ZNF546: variants seen among roughly 807,000 people sequenced by gnomAD.
ZNF546 encodes the protein zinc finger protein 546, also known as CTC-471F3.6.
A neutral mutation model predicts 76.2 loss-of-function variants in ZNF546; 60 were observed. The observed-to-expected ratio is 0.79, with a 90% CI of 0.64 to 0.98. The LOEUF (loss-of-function observed/expected upper bound fraction) is 0.98. ZNF546 is among the 50% of genes least tolerant of loss of function. ZNF546 has a pLI of 0.00. For synonymous variants in ZNF546, 277 were observed against 328.1 expected, an observed-to-expected ratio of 0.84 and a Z score of 1.68; for missense variants, 936 against 1,035.6, an observed-to-expected ratio of 0.90 and a Z score of 1.32.
intron 6 of ZNF546, 23 bp from the exon 7 acceptor site, chr19:40,013,642 T>TC (rs1338324549): frequency 7.0e-6 from 4 of 573,994 alleles, no homozygotes; most frequent in African/African-American, 3.9e-5. Flanking sequence ...ACTCTTTGCT[T>TC]TTTTTTTTTT....
In ZNF546 at chr19:40,014,753, A is replaced by G. The variant is rs1156891152; in HGVS notation, c.1483A>G (p.Ile495Val). 1 of 1,613,776 alleles carries G rather than the reference A, an allele frequency of 6.2e-7. No homozygotes were observed. Residue 495 changes from isoleucine (I) to valine (V), a missense_variant, in exon 7 of 7, where the codon ATT (isoleucine) becomes GTT (valine). Ile to Val is a conservative substitution (Grantham distance 29). Coordinates refer to ENST00000347077, the MANE Select transcript of ZNF546 (RefSeq NM_178544.5). ...ACATCTGAGAACTCACACCGGTGAG[A>G]TTCCCTATGAATGTAAGGAATGTGG... is the stretch of plus-strand genomic sequence containing the variant. The part of the protein sequence containing the change: ...TLHLRTHTGE[I>V]PYECKECGKT...
Position 40,017,113 on chromosome 19 carries a change from T to C in ZNF546, c.*1332T>C, listed in dbSNP as rs1416036178. On this transcript the variant is annotated 3_prime_UTR_variant, in exon 7 of 7. Transcript: ENST00000347077. ...CATTACCTTTCACTCCTTATTTAGA[T>C]TGGAATAATTAACTGGAGATAATAT... 6.6e-6 allele frequency: 1 copy of C among 152,188 alleles called. No homozygotes were observed. Among genetic ancestry groups the C allele is most frequent in the African/African-American group, 2.4e-5 (1 of 41,448 alleles). 9.4% of individuals were successfully genotyped at this position (152,188 alleles called of 1,614,324 possible).
intron 6 of ZNF546, among the ~76,000 whole-genome samples, chr19:40,013,456 G>A (rs554772610): frequency 1.5e-4 from 23 of 152,168 alleles, no homozygotes; most frequent in African/African-American, 5.5e-4. Flanking sequence ...GAGACCATAT[G>A]CCTCCCAAGG....
chr19:40,009,085 A>G (rs1971641003), intron 6 of ZNF546, among the ~76,000 whole-genome samples: 1 of 152,208 alleles, frequency 6.6e-6, no homozygotes. Context: ...TAAGTAGAGT[A>G]AGGAGCTAGA....
At chr19:40,001,191 T>A (rs1482378092) in intron 3 of ZNF546, among the ~76,000 whole-genome samples, 1 of 152,134 alleles carries the variant, frequency 6.6e-6, no homozygotes, top group Non-Finnish European at 1.5e-5. Context: ...AAGCTTCCCT[T>A]GCTGGCCTGC....
rs1166945205 is a variant in ZNF546, at chr19:40,015,685, T to C, written c.2415T>C (p.Tyr805=). 2 of 1,614,176 alleles carry C rather than the reference T, an allele frequency of 1.2e-6. No individual in the cohort carries two copies. The highest frequency in any genetic ancestry group is 1.7e-6 in the Non-Finnish European group (2 of 1,180,012). Residue 805 remains tyrosine (Y), a synonymous_variant, in exon 7 of 7, where the codon TAT becomes TAC. Transcript: ENST00000347077. ...HHRIHTGEKP[Y]QCKECGKAFI... ...GAATTCATACTGGTGAAAAACCCTA[T>C]CAATGTAAAGAATGTGGAAAAGCCT...
In ZNF546 at chr19:40,014,543, C is replaced by T. The variant is rs369133108; in HGVS notation, c.1273C>T (p.His425Tyr). Residue 425 changes from histidine (H) to tyrosine (Y), a missense_variant, in exon 7 of 7, where the codon CAT (histidine) becomes TAT (tyrosine). Physicochemically the swap from His to Tyr is moderately conservative, Grantham distance 83 (BLOSUM62 2). Coordinates refer to ENST00000347077, the MANE Select transcript of ZNF546 (RefSeq NM_178544.5). ...AGAATGTGGTAAGTCCTTTAGTTTT[C>T]ATGCAGAACTTGCTCGACATCGTAG... ...CKECGKSFSFHAELARHRRIH... is the reference protein window; with the variant it reads ...CKECGKSFSFYAELARHRRIH... The T allele has an allele frequency of 1.1e-5, 17 of 1,614,066 alleles. No individual in the cohort carries two copies. The highest frequency in any genetic ancestry group is 6.7e-5 in the African/African-American group (5 of 75,030).
At position 40,008,530 on chromosome 19, in the gene ZNF546, T is replaced by C. The variant is rs1412637885; in HGVS notation, c.359T>C (p.Ile120Thr). 1 of 1,613,268 alleles carries C rather than the reference T, an allele frequency of 6.2e-7. No homozygotes were observed. The highest frequency in any genetic ancestry group is 8.5e-7 in the Non-Finnish European group (1 of 1,179,374). The change falls in exon 6 of 7, where the codon ATA becomes ACA. Residue 120 changes from isoleucine to threonine, a missense_variant. Coordinates refer to ENST00000347077, the MANE Select transcript of ZNF546 (RefSeq NM_178544.5). The stretch of plus-strand genomic sequence containing the variant: ...TTGGAGCAAGAGAAAGAGCCCTGGA[T>C]AGTAATGAGGGAAGGGACAAGGAAT... ...TLLEQEKEPW[I>T]VMREGTRNWF...
In ZNF546 at chr19:40,019,692, GGTGA is replaced by G. The variant is rs1462935337; in HGVS notation, c.*3914_*3917del. 1 of 152,140 alleles carries G rather than the reference GGTGA, an allele frequency of 6.6e-6. No homozygotes were observed. The highest frequency in any genetic ancestry group is 1.5e-5 in the Non-Finnish European group (1 of 68,026). 9.4% of individuals were successfully genotyped at this position (152,140 alleles called of 1,614,324 possible). Reference sequence around the variant, plus strand: ...ATAGTTCTTAAAAGGCAAAAATGTAGGTGAGTCATTACGAAGAAAGCAGAAATTC... The same window carrying G: ...ATAGTTCTTAAAAGGCAAAAATGTAGGTCATTACGAAGAAAGCAGAAATTC... On this transcript the variant is annotated 3_prime_UTR_variant, in exon 7 of 7. Transcript: ENST00000347077.
At position 40,015,884 on chromosome 19, in the gene ZNF546, G is replaced by C. The variant is rs1008748361; in HGVS notation, c.*103G>C. 31 of 1,025,854 alleles carry C rather than the reference G, an allele frequency of 3.0e-5. No individual in the cohort carries two copies. The Admixed American group carries it at 6.2e-4, about 20-fold the overall frequency. 63.5% of individuals were successfully genotyped at this position (1,025,854 alleles called of 1,614,324 possible). A position where few individuals can be genotyped will look rare whatever the true frequency, so the allele number is the denominator to read the frequency against. ...CATGTGGGAATCCCTTTTACTTCAT[G>C]CTCACAATTTATCAGAAATTATTTC... On this transcript the variant is annotated 3_prime_UTR_variant, in exon 7 of 7. Coordinates refer to ENST00000347077, the MANE Select transcript of ZNF546 (RefSeq NM_178544.5).
At position 40,014,741 on chromosome 19, in the gene ZNF546, C is replaced by T. The variant is rs779794718; in HGVS notation, c.1471C>T (p.His491Tyr). ...TCAACTTACTTTACATCTGAGAACT[C>T]ACACCGGTGAGATTCCCTATGAATG... ...GYQLTLHLRT[H>Y]TGEIPYECKE... The change falls in exon 7 of 7, where the codon CAC becomes TAC. Residue 491 changes from histidine (H) to tyrosine (Y), a missense_variant. Transcript: ENST00000347077. The T allele has an allele frequency of 6.2e-7, 1 of 1,613,592 alleles. No individual in the cohort carries two copies. Among genetic ancestry groups the T allele is most frequent in the South Asian group, 1.1e-5 (1 of 91,068 alleles).
In ZNF546 at chr19:40,006,088, C is replaced by T; in HGVS notation, c.85-8C>T. 1 of 1,612,068 alleles carries T rather than the reference C, an allele frequency of 6.2e-7. No individual in the cohort carries two copies. Among genetic ancestry groups the T allele is most frequent in the South Asian group, 1.1e-5 (1 of 90,888 alleles). ...TCTGGTCTCAGAGTCACTTGTTCTT[C>T]CCCCCAGCCCCGGTTTCTCTGGATT... On this transcript the variant is annotated splice_polypyrimidine_tract_variant and splice_region_variant and intron_variant, in intron 3 of 6. Coordinates refer to ENST00000347077, the MANE Select transcript of ZNF546 (RefSeq NM_178544.5).
chr19:40,004,558 C>T (rs902346401), intron 3 of ZNF546, among the ~76,000 whole-genome samples: 16 of 152,196 alleles, frequency 1.1e-4, no homozygotes, highest in Admixed American at 5.9e-4. Flanking sequence ...CGTGAGCCAC[C>T]GTGCCCAGCC....
chr19:40,013,659 T>A lies in ZNF546; in HGVS notation c.395-6T>A. ...TCTTTGCTTTTTTTTTTTTTTTTTT[T>A]TGCAGATTTGGAATACAAGTATATT... On this transcript the variant is annotated splice_region_variant and splice_polypyrimidine_tract_variant and intron_variant, in intron 6 of 6. Coordinates refer to ENST00000347077, the MANE Select transcript of ZNF546 (RefSeq NM_178544.5). 7.2e-7 allele frequency: 1 copy of A among 1,385,828 alleles called. No homozygotes were observed. Among genetic ancestry groups the A allele is most frequent in the Non-Finnish European group, 9.4e-7 (1 of 1,058,754 alleles). 85.8% of individuals were successfully genotyped at this position (1,385,828 alleles called of 1,614,324 possible).
chr19:40,006,176 G>T lies in ZNF546; in HGVS notation c.165G>T (p.Met55Ile). The change falls in exon 4 of 7, where the codon ATG becomes ATT. Residue 55 changes from methionine (M) to isoleucine (I), a missense_variant. Coordinates refer to ENST00000347077, the MANE Select transcript of ZNF546 (RefSeq NM_178544.5). The stretch of plus-strand genomic sequence containing the variant: ...CAAGTTCTTGTGGTTCTAAAACCAT[G>T]GCCAATGTAAGTTTGTGTTTTTCTT... ...ELTSSCGSKTMANVSLAFRDV... is the reference protein window; with the variant it reads ...ELTSSCGSKTIANVSLAFRDV... 6.2e-7 allele frequency: 1 copy of T among 1,612,580 alleles called. No homozygotes were observed. Among genetic ancestry groups the T allele is most frequent in the Non-Finnish European group, 8.5e-7 (1 of 1,179,234 alleles).
rs1425702170 is a variant in ZNF546 at position 40,016,360 on chromosome 19, A to AAAT, written c.*581_*583dup. On this transcript the variant is annotated 3_prime_UTR_variant, in exon 7 of 7. Transcript: ENST00000347077. ...ACATGGTGAAACCCCTTCTCTACTA[A>AAAT]AATACACAAATTAGCTAGGCATTGT... 3 of 153,132 alleles carry AAAT rather than the reference A, an allele frequency of 2.0e-5. No individual in the cohort carries two copies. The highest frequency in any genetic ancestry group is 1.9e-4 in the Admixed American group (3 of 15,424). The allele number at this position is 153,132 out of a possible 1,614,324, so 9.5% of individuals were successfully genotyped here.
rs1291899420 is a variant in ZNF546, at chr19:40,019,992, T to TA, written c.*4212dup. The TA allele has an allele frequency of 7.9e-5, 12 of 152,186 alleles. No homozygotes were observed. Among genetic ancestry groups the TA allele is most frequent in the African/African-American group, 2.9e-4 (12 of 41,450 alleles). 9.4% of individuals were successfully genotyped at this position (152,186 alleles called of 1,614,324 possible). A position where few individuals can be genotyped will look rare whatever the true frequency, so the allele number is the denominator to read the frequency against. On this transcript the variant is annotated 3_prime_UTR_variant, in exon 7 of 7. Coordinates refer to ENST00000347077, the MANE Select transcript of ZNF546 (RefSeq NM_178544.5). ...ACATATTTGAAATCAAGGTGTATCTTACAATTTATGGCATCTGACAATACT... is the reference window on the plus strand; with the variant it reads ...ACATATTTGAAATCAAGGTGTATCTTAACAATTTATGGCATCTGACAATACT...
Position 40,008,467 on chromosome 19 carries a change from C to A in ZNF546, c.299-3C>A. 6.3e-7 allele frequency: 1 copy of A among 1,577,640 alleles called. No individual in the cohort carries two copies. Among genetic ancestry groups the A allele is most frequent in the South Asian group, 1.2e-5 (1 of 85,724 alleles). On this transcript the variant is annotated splice_region_variant and splice_polypyrimidine_tract_variant and intron_variant, in intron 5 of 6. Coordinates refer to ENST00000347077, the MANE Select transcript of ZNF546 (RefSeq NM_178544.5). ...CATGTGTCATTTCTTTTCTCATGAG[C>A]AGGATATACCATTCCTAAGCCAGAT...
At chr19:40,007,441 A>G (rs1423926371) in intron 5 of ZNF546, 41 bp downstream of exon 5, 1 of 1,514,728 alleles carries the variant, frequency 6.6e-7, no homozygotes, top group South Asian at 1.3e-5. Context: ...TGTTTTCTGG[A>G]GTATCAGCTT....
Sources: allele counts gnomAD v4.1 joint callset (sites outside exome capture counted in the v4.1 genomes callset), GRCh38; gene constraint gnomAD v4.1.1; transcripts MANE v1.5; gene names NCBI Gene and HGNC (gene_info 2026-07-23, HGNC 2026-07-21).